The following ZNF521 variants were observed in gnomAD, a reference collection of about 807,000 sequenced individuals.
ZNF521 encodes the protein zinc finger protein 521.
Under a neutral mutation model 105.5 loss-of-function variants are expected in ZNF521, and 14 were observed. That is an observed-to-expected ratio of 0.13 (90% CI 0.09 to 0.21). The LOEUF (loss-of-function observed/expected upper bound fraction) is 0.21, where lower values mean the gene tolerates loss of function less well. Among genes scored for constraint, ZNF521 ranks in the 10% least tolerant of loss-of-function variants. The pLI, the probability that ZNF521 is intolerant of heterozygous loss-of-function variation, is 1.00. For missense variants in ZNF521, 1,233 were observed against 1,629.7 expected, an observed-to-expected ratio of 0.76 and a Z score of 4.19; for synonymous variants, 635 against 606.0, an observed-to-expected ratio of 1.05 and a Z score of -0.70.
intron 3 of ZNF521, among the ~76,000 whole-genome samples, chr18:25,308,390 A>T (rs1481473907): frequency 6.6e-6 from 1 of 152,074 alleles, no homozygotes; most frequent in African/African-American, 2.4e-5. Context: ...TTATACAAAA[A>T]CTTTTGGAAT....
chr18:25,252,485 C>A (rs1908185456), intron 3 of ZNF521, among the ~76,000 whole-genome samples: 1 of 151,748 alleles, frequency 6.6e-6, no homozygotes, highest in Non-Finnish European at 1.5e-5. Context: ...AAATCTAATA[C>A]TTCACGGAAA....
intron 5 of ZNF521, among the ~76,000 whole-genome samples, chr18:25,147,866 T>G (rs2034974032): frequency 6.6e-6 from 1 of 152,206 alleles, no homozygotes; most frequent in Admixed American, 6.5e-5. Flanking sequence ...ATCTTTTTAT[T>G]GCTTTATTCT....
chr18:25,090,155 A>G (rs2033712419), intron 6 of ZNF521, among the ~76,000 whole-genome samples: 1 of 152,214 alleles, frequency 6.6e-6, no homozygotes, highest in Non-Finnish European at 1.5e-5. Context: ...TTCAATTTTA[A>G]TGACTACAAA....
chr18:25,182,896 G>A (rs563824653), intron 5 of ZNF521, among the ~76,000 whole-genome samples: 12 of 152,124 alleles, frequency 7.9e-5, no homozygotes, highest in Admixed American at 2.6e-4. Flanking sequence ...AGCATGGAAA[G>A]GTTTAAATGT....
At chr18:25,219,293 G>A (rs956970249) in intron 4 of ZNF521, among the ~76,000 whole-genome samples, 9 of 152,184 alleles carry the variant, frequency 5.9e-5, no homozygotes, top group Non-Finnish European at 1.3e-4. Flanking sequence ...CTGTACATAT[G>A]AGCTGCAGTC....
At chr18:25,101,648 T>A (rs2144258852) in intron 5 of ZNF521, among the ~76,000 whole-genome samples, 1 of 152,192 alleles carries the variant, frequency 6.6e-6, no homozygotes, top group East Asian at 1.9e-4. Flanking sequence ...ATATGTAAAC[T>A]TCACTGAAAG....
chr18:25,327,135 T>C (rs1455807253), intron 2 of ZNF521, among the ~76,000 whole-genome samples: 1 of 152,194 alleles, frequency 6.6e-6, no homozygotes, highest in Non-Finnish European at 1.5e-5. Flanking sequence ...GCTAGTGAAC[T>C]AGTAAAAATA....
chr18:25,238,772 T>C (rs1907103981), intron 3 of ZNF521, among the ~76,000 whole-genome samples: 1 of 152,156 alleles, frequency 6.6e-6, no homozygotes, highest in Non-Finnish European at 1.5e-5. Context: ...TTTCTTAGTC[T>C]AATCCACCAA....
intron 3 of ZNF521, among the ~76,000 whole-genome samples, chr18:25,317,093 G>A (rs941425242): frequency 1.3e-5 from 2 of 151,944 alleles, no homozygotes; most frequent in Non-Finnish European, 2.9e-5. Context: ...CTGACCTCAG[G>A]TGATCTGCCC....
At chr18:25,334,207 T>G (rs111296881) in intron 2 of ZNF521, among the ~76,000 whole-genome samples, 2 of 3,668 alleles carry the variant, frequency 5.5e-4, no homozygotes, top group African/African-American at 0.015. Context: ...TGCTACCATA[T>G]TTTTCTTGGA....
intron 5 of ZNF521, among the ~76,000 whole-genome samples, chr18:25,108,384 T>C (rs560208669): frequency 1.6e-4 from 24 of 152,332 alleles, no homozygotes; most frequent in African/African-American, 5.8e-4. Context: ...ACAAACAACT[T>C]TGAAGATGTA....
intron 4 of ZNF521, among the ~76,000 whole-genome samples, chr18:25,198,142 C>T (rs183249814): frequency 8.1e-4 from 122 of 151,454 alleles, no homozygotes; most frequent in African/African-American, 2.7e-3. Flanking sequence ...TTTCATTAGC[C>T]TTTTTAAATG....
At chr18:25,255,447 G>T (rs545087679) in intron 3 of ZNF521, among the ~76,000 whole-genome samples, 2 of 152,164 alleles carry the variant, frequency 1.3e-5, no homozygotes, top group East Asian at 3.9e-4. Context: ...ACATAAGAAT[G>T]CATAAAGTGC....
chr18:25,099,142 G>A (rs2033913132), intron 5 of ZNF521, among the ~76,000 whole-genome samples: 1 of 152,134 alleles, frequency 6.6e-6, no homozygotes, highest in Non-Finnish European at 1.5e-5. Flanking sequence ...TGTACACGAA[G>A]TACCTAGAAC....
intron 4 of ZNF521, among the ~76,000 whole-genome samples, chr18:25,202,988 G>A (rs940638368): frequency 2.6e-5 from 4 of 152,274 alleles, no homozygotes; most frequent in East Asian, 3.9e-4. Context: ...GGTGGTGAAT[G>A]TCCTGATAAA....
chr18:25,191,726 T>C (rs546481571), intron 5 of ZNF521, among the ~76,000 whole-genome samples: 33 of 152,298 alleles, frequency 2.2e-4, no homozygotes, highest in Non-Finnish European at 4.6e-4. Flanking sequence ...TTCAGAGCAC[T>C]TACAAATTTA....
Position 25,249,978 on chromosome 18 carries a change from G to A in ZNF521, c.221-22281C>T, listed in dbSNP as rs558998432. 3.4e-3 allele frequency among the ~76,000 whole-genome samples: 524 copies of A among 152,014 alleles called. 1 individual carries two copies. Among genetic ancestry groups the A allele is most frequent in the Non-Finnish European group, 6.0e-3 (411 of 67,990 alleles). ...TTTTGAGACCAAGTCTCGCTCTGTC[G>A]CCCTGGCTGGAGTGCTGTGGCGCAA... On this transcript the variant is annotated intron_variant, in intron 3 of 7. Transcript: ENST00000361524.
intron 3 of ZNF521, 28 bp downstream of exon 3, chr18:25,321,980 A>C (rs1912953967): frequency 6.2e-7 from 1 of 1,603,962 alleles, no homozygotes; most frequent in African/African-American, 1.3e-5. Flanking sequence ...CAGTACAAGA[A>C]GACAAAAAAG....
At chr18:25,158,880 C>G (rs1220393127) in intron 5 of ZNF521, among the ~76,000 whole-genome samples, 1 of 151,702 alleles carries the variant, frequency 6.6e-6, no homozygotes, top group Admixed American at 6.6e-5. Context: ...CACTTGAACC[C>G]AGAAGGTGGA....
Sources: allele counts gnomAD v4.1 joint callset (sites outside exome capture counted in the v4.1 genomes callset), GRCh38; gene constraint gnomAD v4.1.1; transcripts MANE v1.5; gene names NCBI Gene and HGNC (gene_info 2026-07-23, HGNC 2026-07-21).